SPECC1: variants seen among roughly 807,000 people sequenced by gnomAD.
SPECC1 encodes the protein sperm antigen with calponin homology and coiled-coil domains 1.
Under a neutral mutation model 104.1 loss-of-function variants are expected in SPECC1, and 62 were observed. The ratio of observed to expected loss-of-function variants is 0.60; its 90% CI spans 0.49 to 0.74. The LOEUF is 0.74. Among genes scored for constraint, SPECC1 ranks in the 30% least tolerant of loss-of-function variants. SPECC1 has a pLI of 0.00. For synonymous variants in SPECC1, 513 were observed against 501.6 expected (o/e 1.02, Z -0.30); for missense variants, 1,306 against 1,310.5 (o/e 1.00, Z 0.05).
intron 2 of SPECC1, among the ~76,000 whole-genome samples, chr17:20,098,611 C>T (rs768013225): frequency 2.0e-5 from 3 of 152,232 alleles, no homozygotes; most frequent in South Asian, 2.1e-4. Context: ...TCCAGCCACA[C>T]GTTCTGCTGG....
chr17:20,229,790 A>G (rs1164116999), intron 5 of SPECC1, among the ~76,000 whole-genome samples: 1 of 152,274 alleles, frequency 6.6e-6, no homozygotes, highest in Non-Finnish European at 1.5e-5. Context: ...GCGATGTGCT[A>G]AAGCAGCCAA....
chr17:20,074,881 T>C (rs1597653656), intron 1 of SPECC1, among the ~76,000 whole-genome samples: 1 of 152,176 alleles, frequency 6.6e-6, no homozygotes, highest in African/African-American at 2.4e-5. Flanking sequence ...GTATCATTCC[T>C]CATTCCAATT....
intron 13 of SPECC1, among the ~76,000 whole-genome samples, chr17:20,301,286 G>C (rs1158430435): frequency 6.6e-6 from 1 of 152,110 alleles, no homozygotes; most frequent in African/African-American, 2.4e-5. Context: ...TGTGTTAGAA[G>C]CTGGGATTCA....
intron 1 of SPECC1, among the ~76,000 whole-genome samples, chr17:20,013,745 T>G (rs1172516610): frequency 6.6e-6 from 1 of 151,482 alleles, no homozygotes; most frequent in Non-Finnish European, 1.5e-5. Flanking sequence ...TCAAGTGATC[T>G]GCCTGCCTTA....
intron 1 of SPECC1, among the ~76,000 whole-genome samples, chr17:20,091,663 T>TGG (rs955671797): frequency 1.3e-5 from 2 of 152,172 alleles, no homozygotes; most frequent in African/African-American, 4.8e-5. Flanking sequence ...TTTCAACATG[T>TGG]GGTTCACTTA....
chr17:20,160,682 C>T (rs1281956805), intron 3 of SPECC1, among the ~76,000 whole-genome samples: 1 of 152,140 alleles, frequency 6.6e-6, no homozygotes, highest in Non-Finnish European at 1.5e-5. Flanking sequence ...ATTCATTCCT[C>T]TACCCACCCA....
intron 3 of SPECC1, among the ~76,000 whole-genome samples, chr17:20,113,149 A>T (rs956536083): frequency 5.9e-5 from 9 of 152,172 alleles, no homozygotes; most frequent in African/African-American, 2.2e-4. Context: ...TAAGGGAAAA[A>T]ATTGACTTTT....
At chr17:20,160,641 T>G (rs549171866) in intron 3 of SPECC1, among the ~76,000 whole-genome samples, 1 of 152,364 alleles carries the variant, frequency 6.6e-6, no homozygotes, top group Admixed American at 6.5e-5. Context: ...ATTAATATTT[T>G]GCTGTATTTG....
chr17:20,234,586 A>C (rs756196670), intron 7 of SPECC1, among the ~76,000 whole-genome samples: 1 of 152,186 alleles, frequency 6.6e-6, no homozygotes, highest in Non-Finnish European at 1.5e-5. Context: ...TTTGACTTTG[A>C]CAGTCATCTA....
At chr17:20,278,719 CTT>C (rs71357423) in intron 12 of SPECC1, among the ~76,000 whole-genome samples, 4 of 107,882 alleles carry the variant, frequency 3.7e-5, no homozygotes, top group South Asian at 3.7e-4. Flanking sequence ...CTCTCTCTCT[CTT>C]TTTTTTTTTA....
At chr17:20,028,193 G>GAAA (rs568541815) in intron 1 of SPECC1, among the ~76,000 whole-genome samples, 217 of 151,712 alleles carry the variant, frequency 1.4e-3, no homozygotes, top group Middle Eastern at 6.8e-3. Context: ...TGACCTTTTT[G>GAAA]AAAATCATTT....
intron 4 of SPECC1, 80 bp from the exon 5 acceptor site, chr17:20,227,333 G>A (rs2038280798): frequency 1.7e-6 from 2 of 1,187,114 alleles, no homozygotes; most frequent in East Asian, 2.5e-5. Flanking sequence ...CATCATGGTG[G>A]GGCTTGGCCT....
intron 7 of SPECC1, among the ~76,000 whole-genome samples, chr17:20,234,396 C>T (rs2703776): frequency 6.6e-6 from 1 of 151,956 alleles, no homozygotes; most frequent in African/African-American, 2.4e-5. Flanking sequence ...TCTGATTTTG[C>T]ACTTCTCTGG....
At chr17:20,062,393 C>T (rs1331747545) in intron 1 of SPECC1, among the ~76,000 whole-genome samples, 2 of 152,088 alleles carry the variant, frequency 1.3e-5, no homozygotes, top group African/African-American at 4.8e-5. Context: ...AACAGGTTCT[C>T]CCTCTTTCAT....
chr17:20,181,728 A>G (rs1051738895), intron 3 of SPECC1, among the ~76,000 whole-genome samples: 2 of 152,144 alleles, frequency 1.3e-5, no homozygotes, highest in Non-Finnish European at 2.9e-5. Context: ...TTTCTATGCC[A>G]TCAATAACTG....
intron 1 of SPECC1, among the ~76,000 whole-genome samples, chr17:20,076,783 G>A (rs1009963340): frequency 2.0e-5 from 3 of 152,136 alleles, no homozygotes; most frequent in East Asian, 1.9e-4. Context: ...AACACAGTGT[G>A]GGGGAGCACT....
At chr17:20,022,172 A>T (rs2044417906) in intron 1 of SPECC1, among the ~76,000 whole-genome samples, 1 of 151,458 alleles carries the variant, frequency 6.6e-6, no homozygotes, top group African/African-American at 2.4e-5. Flanking sequence ...CGATCTCCTG[A>T]CTTCATGATC....
intron 12 of SPECC1, among the ~76,000 whole-genome samples, chr17:20,270,261 G>A (rs1331357219): frequency 1.3e-5 from 2 of 151,610 alleles, no homozygotes; most frequent in Non-Finnish European, 1.5e-5. Flanking sequence ...GTTTAAAATG[G>A]TGAAAGTGAT....
chr17:20,105,753 G>A (rs148686521), intron 2 of SPECC1, among the ~76,000 whole-genome samples: 8 of 152,308 alleles, frequency 5.3e-5, no homozygotes, highest in Non-Finnish European at 7.4e-5. Flanking sequence ...CACTGCTTGC[G>A]CACTGCTGTC....
Sources: allele counts gnomAD v4.1 joint callset (sites outside exome capture counted in the v4.1 genomes callset), GRCh38; gene constraint gnomAD v4.1.1; transcripts MANE v1.5; gene names NCBI Gene and HGNC (gene_info 2026-07-23, HGNC 2026-07-21).